Variants in SLC6A15 observed in about 807,000 individuals in gnomAD.
SLC6A15 encodes sodium-dependent neutral amino acid transporter B(0)AT2.
Under a neutral mutation model 68.5 loss-of-function variants are expected in SLC6A15, and 33 were observed. The ratio of observed to expected loss-of-function variants is 0.48; its 90% CI spans 0.37 to 0.64. SLC6A15 has a LOEUF of 0.64. SLC6A15 is among the 30% of genes least tolerant of loss of function. The pLI is 0.00. For synonymous variants in SLC6A15, 347 were observed against 301.0 expected (o/e 1.15, Z -1.58); for missense variants, 747 against 874.3 (o/e 0.85, Z 1.84).
rs575607527 is a variant in SLC6A15 at position 84,882,958 on chromosome 12, A to G, written c.756+901T>C. The G allele has an allele frequency of 3.2e-5, 26 of 820,150 alleles. No homozygotes were observed. The South Asian group carries it at 4.4e-4, about 14-fold the overall frequency. The allele number at this position is 820,150 out of a possible 1,614,324, so 50.8% of individuals were successfully genotyped here. ...GACTACTTCTACTATTGCTGCTGCT[A>G]CTACTACTACTATTGCCATTCCTGC... On this transcript the variant is annotated intron_variant, in intron 5 of 11. Transcript: ENST00000266682.
At chr12:84,893,169 T>C (rs1157946238) in intron 1 of SLC6A15, among the ~76,000 whole-genome samples, 1 of 152,206 alleles carries the variant, frequency 6.6e-6, no homozygotes, top group Non-Finnish European at 1.5e-5. Context: ...TTTAAGGATC[T>C]TATATTTAAT....
Position 84,908,599 on chromosome 12 carries a change from A to AACAT in SLC6A15, c.-189+3920_-189+3923dup, listed in dbSNP as rs34170200. The stretch of plus-strand genomic sequence containing the variant: ...GATATTAAAGGGCAAAGAGTAAAGA[A>AACAT]ACATATATATATATATATATATATA... On this transcript the variant is annotated intron_variant, in intron 1 of 11. Transcript: ENST00000266682. 3.6e-3 allele frequency among the ~76,000 whole-genome samples: 384 copies of AACAT among 107,580 alleles called. 8 individuals are homozygous for AACAT. Among genetic ancestry groups the AACAT allele is most frequent in the Admixed American group, 0.031 (367 of 11,810 alleles). The allele number at this position is 107,580 out of a possible 152,430, so 70.6% of individuals were successfully genotyped here.
At chr12:84,863,966 A>G (rs547063150) in intron 10 of SLC6A15, among the ~76,000 whole-genome samples, 18 of 151,314 alleles carry the variant, frequency 1.2e-4, no homozygotes, top group African/African-American at 3.6e-4. Flanking sequence ...TACTGCTTAA[A>G]TATTATTAAG....
At chr12:84,900,214 T>C (rs528397564) in intron 1 of SLC6A15, among the ~76,000 whole-genome samples, 2 of 152,182 alleles carry the variant, frequency 1.3e-5, no homozygotes, top group South Asian at 4.1e-4. Context: ...GTTAAATTTA[T>C]TTCTGATTAA....
At chr12:84,883,544 G>C in intron 5 of SLC6A15, 1 of 1,312,230 alleles carries the variant, frequency 7.6e-7, no homozygotes, top group Non-Finnish European at 9.7e-7. Flanking sequence ...TTGGTAATTA[G>C]AGAACTGAAA....
chr12:84,905,506 T>A (rs1317541561), intron 1 of SLC6A15, among the ~76,000 whole-genome samples: 1 of 152,060 alleles, frequency 6.6e-6, no homozygotes, highest in Non-Finnish European at 1.5e-5. Context: ...GATAAAAACG[T>A]CCACTCTCAC....
chr12:84,880,318 C>G (rs7960028), intron 5 of SLC6A15, among the ~76,000 whole-genome samples: 6,179 of 152,196 alleles, frequency 0.041, 395 homozygotes, highest in African/African-American at 0.14. Context: ...TTTGCATTCA[C>G]TCATATGGCT....
Position 84,905,654 on chromosome 12 carries a change from C to T in SLC6A15, c.-189+6869G>A, listed in dbSNP as rs559488304. Among the ~76,000 whole-genome samples the T allele has an allele frequency of 1.1e-4, 16 of 152,268 alleles. No homozygotes were observed. In the South Asian group the frequency reaches 3.3e-3, roughly 32 times the overall value. Reference sequence around the variant, plus strand: ...ACCAAAATTCTCAGATGCTCAAGTCCCACATTCATCTGTGGGTCCTGCATC... The same window carrying T: ...ACCAAAATTCTCAGATGCTCAAGTCTCACATTCATCTGTGGGTCCTGCATC... On this transcript the variant is annotated intron_variant, in intron 1 of 11. Transcript: ENST00000266682.
chr12:84,875,416 A>G (rs1278415926), intron 6 of SLC6A15, among the ~76,000 whole-genome samples: 1 of 151,806 alleles, frequency 6.6e-6, no homozygotes, highest in Non-Finnish European at 1.5e-5. Flanking sequence ...ACTCAGAACC[A>G]CACACACAAA....
rs1487675980 is a variant in SLC6A15 at position 84,860,875 on chromosome 12, C to T, written c.*757G>A. 1 of 152,002 alleles carries T rather than the reference C, an allele frequency of 6.6e-6. No individual in the cohort carries two copies. Among genetic ancestry groups the T allele is most frequent in the Non-Finnish European group, 1.5e-5 (1 of 67,986 alleles). 9.4% of individuals were successfully genotyped at this position (152,002 alleles called of 1,614,324 possible). ...ATAATCTTGAAACCACAATAAATAT[C>T]AAGTAGGTTTTTAGGCACACGGCAT... is the stretch of plus-strand genomic sequence containing the variant. On this transcript the variant is annotated 3_prime_UTR_variant, in exon 12 of 12. Coordinates refer to ENST00000266682, the MANE Select transcript of SLC6A15 (RefSeq NM_182767.6).
chr12:84,887,046 G>C (rs1263516083), intron 2 of SLC6A15, among the ~76,000 whole-genome samples: 1 of 152,046 alleles, frequency 6.6e-6, no homozygotes, highest in Non-Finnish European at 1.5e-5. Flanking sequence ...CAGCTCAAGG[G>C]ATCTTCCCAC....
chr12:84,911,634 G>T (rs1345451906), intron 1 of SLC6A15, among the ~76,000 whole-genome samples: 5 of 152,192 alleles, frequency 3.3e-5, no homozygotes, highest in African/African-American at 7.2e-5. Flanking sequence ...GTTCCCGAAC[G>T]CCTCGGGCGT....
chr12:84,885,025 A>T (rs1428700393), intron 4 of SLC6A15, among the ~76,000 whole-genome samples: 2 of 151,772 alleles, frequency 1.3e-5, no homozygotes, highest in South Asian at 2.1e-4. Context: ...TATGGGATTT[A>T]AAAAAATGAT....
rs1241770923 is a variant in SLC6A15 at position 84,885,422 on chromosome 12, A to G, written c.574+13T>C. 18 of 1,609,534 alleles carry G rather than the reference A, an allele frequency of 1.1e-5. No individual in the cohort carries two copies. Among genetic ancestry groups the G allele is most frequent in the Non-Finnish European group, 1.5e-5 (18 of 1,178,080 alleles). ...TGCTTAAATACCAAAACACTGTATT[A>G]TACATATCTTACAAGTGTGTGAAGC... On this transcript the variant is annotated intron_variant, in intron 4 of 11. Transcript: ENST00000266682.
At chr12:84,883,079 G>A (rs1267539995) in intron 5 of SLC6A15, 4 of 982,866 alleles carry the variant, frequency 4.1e-6, no homozygotes, top group Non-Finnish European at 4.8e-6. Flanking sequence ...GCAGAGAGAA[G>A]AGCCAACAGT....
At chr12:84,889,533 T>G (rs534395902) in intron 2 of SLC6A15, among the ~76,000 whole-genome samples, 22 of 150,796 alleles carry the variant, frequency 1.5e-4, no homozygotes, top group Non-Finnish European at 3.2e-4. Flanking sequence ...AAAATAAAAA[T>G]AAAAAAAACA....
At position 84,873,276 on chromosome 12, in the gene SLC6A15, AAC is replaced by A. The variant is rs1871369515; in HGVS notation, c.918_919del (p.Phe307LeufsTer26). 1 of 1,614,116 alleles carries A rather than the reference AAC, an allele frequency of 6.2e-7. No homozygotes were observed. Among genetic ancestry groups the A allele is most frequent in the Middle Eastern group, 1.6e-4 (1 of 6,062 alleles). On this transcript the variant is annotated frameshift_variant, in exon 7 of 12. Coordinates refer to ENST00000266682, the MANE Select transcript of SLC6A15 (RefSeq NM_182767.6). LOFTEE classifies it high-confidence loss of function. ...ACCAAATCCCAGACCTAAGGCAAAGAACACTTGAGTAGCAGCTTCTCTCCAGA... is the reference window on the plus strand; with the variant it reads ...ACCAAATCCCAGACCTAAGGCAAAGAACTTGAGTAGCAGCTTCTCTCCAGA...
chr12:84,877,794 T>C (rs1010066601), intron 5 of SLC6A15, among the ~76,000 whole-genome samples: 6 of 152,172 alleles, frequency 3.9e-5, no homozygotes, highest in Admixed American at 1.3e-4. Context: ...TGTTGTTGTT[T>C]AGAGCACTTA....
intron 8 of SLC6A15, among the ~76,000 whole-genome samples, chr12:84,871,032 T>C (rs566523237): frequency 1.3e-5 from 2 of 152,002 alleles, no homozygotes; most frequent in South Asian, 4.1e-4. Context: ...TTATCATAGA[T>C]ATATAAATAC....
Sources: gnomAD v4.1 joint callset for allele counts (sites outside exome capture counted in the v4.1 genomes callset) on GRCh38, gnomAD v4.1.1 for gene constraint, MANE v1.5 for transcripts, NCBI Gene and HGNC (gene_info 2026-07-23, HGNC 2026-07-21) for gene names.